The following GALNT14 variants were observed in gnomAD, a reference collection of about 807,000 sequenced individuals.
The protein encoded by GALNT14 is polypeptide N-acetylgalactosaminyltransferase 14, also known as UDP-GalNAc:polypeptide N-acetylgalactosaminyltransferase 14.
In GALNT14, 60 loss-of-function variants were observed where a neutral mutation model predicts 77.5. The ratio of observed to expected loss-of-function variants is 0.77; its 90% CI spans 0.63 to 0.96. The LOEUF (loss-of-function observed/expected upper bound fraction) is 0.96, where lower values mean the gene tolerates loss of function less well. GALNT14 is among the 40% of genes least tolerant of loss of function. The probability of loss-of-function intolerance (pLI) is 0.00; values close to 1 mark genes in which losing one functional copy is unlikely to be tolerated. For missense variants in GALNT14, 710 were observed against 731.0 expected (o/e 0.97, Z 0.33); for synonymous variants, 280 against 281.7 (o/e 0.99, Z 0.06).
In GALNT14 at chr2:30,924,217, G is replaced by A. The variant is rs35717878; in HGVS notation, c.1282C>T (p.Gln428Ter). The A allele has an allele frequency of 5.9e-5, 96 of 1,614,068 alleles. No homozygotes were observed. The highest frequency in any genetic ancestry group is 7.4e-5 in the Non-Finnish European group (87 of 1,180,024). ...TGCCTTTGAGATTCCAGGCACTTCT[G>A]TCTCTGTCGGATATTGCCCTTCTGG... is the stretch of plus-strand genomic sequence containing the variant. ...SIQKGNIRQR[Q>*]KCLESQRQNN... Residue 428 changes from glutamine to a stop codon, truncating the protein, a stop_gained, in exon 13 of 15, where the codon CAG becomes TAG. Coordinates refer to ENST00000349752, the MANE Select transcript of GALNT14 (RefSeq NM_024572.4). LOFTEE classifies it high-confidence loss of function.
At chr2:30,904,503 G>T in the GALNT14 span, among the ~76,000 whole-genome samples, 1 of 152,164 alleles carries the variant, frequency 6.6e-6, no homozygotes, top group Non-Finnish European at 1.5e-5. Context: ...CTTTTCCGAC[G>T]GGCTTAAAAA....
At chr2:31,060,621 C>T (rs17010634) in intron 1 of GALNT14, among the ~76,000 whole-genome samples, 1,672 of 152,344 alleles carry the variant, frequency 0.011, 29 homozygotes, top group African/African-American at 0.038. Context: ...AGTCTAGCTG[C>T]ACCTTTAATC....
At chr2:30,946,676 G>T (rs1221364018) in intron 6 of GALNT14, among the ~76,000 whole-genome samples, 1 of 152,122 alleles carries the variant, frequency 6.6e-6, no homozygotes, top group African/African-American at 2.4e-5. Context: ...ATGTTAGAAT[G>T]GACTGATACA....
intron 1 of GALNT14, among the ~76,000 whole-genome samples, chr2:31,036,133 T>C (rs1193642839): frequency 6.6e-6 from 1 of 152,222 alleles, no homozygotes; most frequent in Admixed American, 6.5e-5. Flanking sequence ...TTATATTCAA[T>C]GTAATTAGTA....
intron 1 of GALNT14, among the ~76,000 whole-genome samples, chr2:31,075,219 G>C (rs568759438): frequency 2.0e-4 from 30 of 152,186 alleles, no homozygotes; most frequent in Non-Finnish European, 4.0e-4. Context: ...GCCATGATTG[G>C]AAGTTTCCTG....
intron 2 of GALNT14, among the ~76,000 whole-genome samples, chr2:30,988,657 G>T (rs1309925978): frequency 6.6e-6 from 1 of 152,104 alleles, no homozygotes. Flanking sequence ...TCCTACCTAT[G>T]AACTTCACCT....
At chr2:31,051,527 T>C (rs1279403589) in intron 1 of GALNT14, among the ~76,000 whole-genome samples, 2 of 152,096 alleles carry the variant, frequency 1.3e-5, no homozygotes, top group African/African-American at 2.4e-5. Context: ...CTACACCAAC[T>C]CTTACCTGCC....
intron 1 of GALNT14, among the ~76,000 whole-genome samples, chr2:31,104,693 T>C (rs1677465383): frequency 6.6e-6 from 1 of 152,202 alleles, no homozygotes; most frequent in African/African-American, 2.4e-5. Flanking sequence ...AGACCTTTCC[T>C]TCTGTAGAGC....
At chr2:31,028,186 G>T (rs1231931415) in intron 1 of GALNT14, among the ~76,000 whole-genome samples, 2 of 152,166 alleles carry the variant, frequency 1.3e-5, no homozygotes, top group African/African-American at 4.8e-5. Flanking sequence ...CCACATAGTT[G>T]CTCAGGTGAG....
chr2:30,898,298 A>T, the GALNT14 span, among the ~76,000 whole-genome samples: 951 of 152,324 alleles, frequency 6.2e-3, 8 homozygotes, highest in African/African-American at 0.022. Context: ...CCAGGGTATG[A>T]CATGTTATAG....
intron 9 of GALNT14, among the ~76,000 whole-genome samples, chr2:30,932,411 G>C (rs1289134747): frequency 2.0e-5 from 3 of 152,240 alleles, no homozygotes; most frequent in African/African-American, 7.2e-5. Context: ...CAGGGAAACA[G>C]TGCAAACCAA....
At chr2:31,095,890 A>G (rs1676977040) in intron 1 of GALNT14, among the ~76,000 whole-genome samples, 1 of 152,158 alleles carries the variant, frequency 6.6e-6, no homozygotes, top group East Asian at 1.9e-4. Flanking sequence ...TTAAAGCAAG[A>G]CATATTTATT....
chr2:31,120,170 A>AT (rs1317674777), intron 1 of GALNT14, among the ~76,000 whole-genome samples: 1 of 74,800 alleles, frequency 1.3e-5, no homozygotes, highest in East Asian at 2.9e-4. Context: ...AAAAAAAAAA[A>AT]AAAAAAAAAT....
At chr2:31,089,330 G>T (rs1358910241) in intron 1 of GALNT14, among the ~76,000 whole-genome samples, 1 of 152,122 alleles carries the variant, frequency 6.6e-6, no homozygotes, top group Non-Finnish European at 1.5e-5. Context: ...GTCCCCCACA[G>T]TACCAATGAC....
chr2:31,129,788 A>T, intron 1 of GALNT14: 1 of 429,706 alleles, frequency 2.3e-6, no homozygotes, highest in Non-Finnish European at 3.1e-6. Context: ...ATAAATCTTC[A>T]GCCCAGACAA....
At chr2:31,122,051 C>A (rs192598293) in intron 1 of GALNT14, among the ~76,000 whole-genome samples, 32 of 152,286 alleles carry the variant, frequency 2.1e-4, no homozygotes, top group Middle Eastern at 3.4e-3. Flanking sequence ...CCTTTGAGGA[C>A]TAGAGAGAGA....
intron 12 of GALNT14, 134 bp from the exon 13 acceptor site, chr2:30,924,397 A>C (rs1665230003): frequency 1.1e-6 from 1 of 926,658 alleles, no homozygotes; most frequent in African/African-American, 1.6e-5. Context: ...TGCTCGGGGA[A>C]GGGCAGGGTG....
intron 2 of GALNT14, among the ~76,000 whole-genome samples, chr2:30,969,673 C>T (rs968268750): frequency 6.6e-6 from 1 of 152,176 alleles, no homozygotes; most frequent in Non-Finnish European, 1.5e-5. Flanking sequence ...GAATTCCAGT[C>T]ATGGGCACAG....
intron 1 of GALNT14, among the ~76,000 whole-genome samples, chr2:31,136,235 C>T (rs373840050): frequency 5.5e-4 from 84 of 152,200 alleles, no homozygotes; most frequent in African/African-American, 2.0e-3. Context: ...AAGATTCTAC[C>T]CCACCCAGCC....
Sources: gnomAD v4.1 joint callset for allele counts (sites outside exome capture counted in the v4.1 genomes callset) on GRCh38, gnomAD v4.1.1 for gene constraint, MANE v1.5 for transcripts, NCBI Gene and HGNC (gene_info 2026-07-23, HGNC 2026-07-21) for gene names.